MIPOL1: variants seen among roughly 807,000 people sequenced by gnomAD.
The protein encoded by MIPOL1 is mirror-image polydactyly gene 1 protein.
A neutral mutation model predicts 60.9 loss-of-function variants in MIPOL1; 57 were observed. That is an observed-to-expected ratio of 0.94 (90% CI 0.76 to 1.17). The LOEUF (loss-of-function observed/expected upper bound fraction) is 1.17, where lower values mean the gene tolerates loss of function less well. Among genes scored for constraint, MIPOL1 ranks in the 50% most tolerant of loss-of-function variants. MIPOL1 has a pLI of 0.00. For synonymous variants in MIPOL1, 179 were observed against 168.8 expected (o/e 1.06, Z -0.47); for missense variants, 551 against 511.6 (o/e 1.08, Z -0.74).
At chr14:37,430,323 G>T (rs1027986225) in intron 11 of MIPOL1, among the ~76,000 whole-genome samples, 3 of 151,568 alleles carry the variant, frequency 2.0e-5, no homozygotes, top group African/African-American at 4.9e-5. Context: ...CCCTTTATAT[G>T]GTAGATTAAA....
intron 5 of MIPOL1, among the ~76,000 whole-genome samples, chr14:37,269,055 TAA>T (rs543661069): frequency 8.1e-4 from 123 of 151,238 alleles, no homozygotes; most frequent in African/African-American, 2.9e-3. Context: ...TACATATCTT[TAA>T]AAAAAAAGAT....
chr14:37,382,153 T>G (rs939249429), intron 10 of MIPOL1, among the ~76,000 whole-genome samples: 2 of 152,096 alleles, frequency 1.3e-5, no homozygotes, highest in Non-Finnish European at 2.9e-5. Flanking sequence ...CTTTGAGTTT[T>G]AACTATTTCC....
intron 11 of MIPOL1, among the ~76,000 whole-genome samples, chr14:37,483,847 G>T (rs2094909975): frequency 6.6e-6 from 1 of 152,036 alleles, no homozygotes; most frequent in Admixed American, 6.6e-5. Context: ...TGTTGCGCAA[G>T]CTGGCCTTGA....
intron 10 of MIPOL1, among the ~76,000 whole-genome samples, chr14:37,417,232 T>G (rs1291817773): frequency 6.6e-6 from 1 of 152,196 alleles, no homozygotes; most frequent in Non-Finnish European, 1.5e-5. Context: ...CCTCCATGGC[T>G]TCTGCTCACT....
intron 9 of MIPOL1, among the ~76,000 whole-genome samples, 190 bp downstream of exon 9, chr14:37,308,709 C>T (rs1448389379): frequency 6.6e-6 from 1 of 151,868 alleles, no homozygotes; most frequent in Non-Finnish European, 1.5e-5. Flanking sequence ...AATATGAAAC[C>T]TCATTTTAAA....
chr14:37,319,911 C>A (rs1362770749), intron 9 of MIPOL1, among the ~76,000 whole-genome samples: 1 of 151,960 alleles, frequency 6.6e-6, no homozygotes, highest in Non-Finnish European at 1.5e-5. Context: ...TTATATACTC[C>A]TTGTGTCTAA....
At chr14:37,377,432 C>G (rs1343734417) in intron 10 of MIPOL1, among the ~76,000 whole-genome samples, 1 of 152,092 alleles carries the variant, frequency 6.6e-6, no homozygotes, top group Non-Finnish European at 1.5e-5. Context: ...CCAAGGGTAG[C>G]TGGCTGTAAC....
At chr14:37,240,942 C>T (rs79643404) in intron 1 of MIPOL1, among the ~76,000 whole-genome samples, 1 of 64,430 alleles carries the variant, frequency 1.6e-5, no homozygotes, top group Non-Finnish European at 3.2e-5. Context: ...CACACACATA[C>T]ACACACACAC....
chr14:37,363,063 T>G (rs2092336095), intron 9 of MIPOL1, among the ~76,000 whole-genome samples: 1 of 152,200 alleles, frequency 6.6e-6, no homozygotes, highest in Non-Finnish European at 1.5e-5. Flanking sequence ...ACATGCTTCT[T>G]TAGCTTGGAG....
chr14:37,409,293 A>G (rs1026596145), intron 10 of MIPOL1, among the ~76,000 whole-genome samples: 4 of 152,230 alleles, frequency 2.6e-5, no homozygotes, highest in Non-Finnish European at 5.9e-5. Flanking sequence ...GAATATAAGT[A>G]GCTATGTATG....
chr14:37,355,570 A>G (rs1229758095), intron 9 of MIPOL1, among the ~76,000 whole-genome samples: 2 of 141,682 alleles, frequency 1.4e-5, no homozygotes, highest in Non-Finnish European at 3.1e-5. Context: ...TGGTCTTTTC[A>G]CATAGTCTCA....
intron 9 of MIPOL1, among the ~76,000 whole-genome samples, chr14:37,325,765 A>G (rs2089097716): frequency 6.6e-6 from 1 of 152,114 alleles, no homozygotes; most frequent in Non-Finnish European, 1.5e-5. Flanking sequence ...TTCTGTATTC[A>G]ACATATATTC....
chr14:37,293,731 C>T (rs1468279563), intron 7 of MIPOL1, among the ~76,000 whole-genome samples: 1 of 152,160 alleles, frequency 6.6e-6, no homozygotes, highest in Admixed American at 6.5e-5. Flanking sequence ...AGTCTGAGAT[C>T]AAACTGCAAG....
chr14:37,361,204 C>A (rs1208493323), intron 9 of MIPOL1, among the ~76,000 whole-genome samples: 1 of 152,132 alleles, frequency 6.6e-6, no homozygotes, highest in East Asian at 1.9e-4. Flanking sequence ...GATTTCTGTT[C>A]TTTTACATAT....
intron 11 of MIPOL1, chr14:37,423,594 C>G (rs2093912737): frequency 6.6e-6 from 1 of 151,830 alleles, no homozygotes; most frequent in Non-Finnish European, 1.5e-5. Flanking sequence ...TACAGTGGAT[C>G]ATGGTAGAAA....
chr14:37,418,125 A>G (rs1000821736), intron 10 of MIPOL1, among the ~76,000 whole-genome samples: 3 of 152,184 alleles, frequency 2.0e-5, no homozygotes, highest in Admixed American at 6.5e-5. Context: ...ACCAATTTCC[A>G]TTCATGGTCT....
chr14:37,446,054 A>G (rs1170439177), intron 11 of MIPOL1, among the ~76,000 whole-genome samples: 4 of 152,222 alleles, frequency 2.6e-5, no homozygotes, highest in Non-Finnish European at 5.9e-5. Flanking sequence ...AATGGCAACA[A>G]AAGCCAAAAT....
chr14:37,262,048 A>G (rs200954970), intron 3 of MIPOL1, among the ~76,000 whole-genome samples: 1 of 74,078 alleles, frequency 1.3e-5, no homozygotes. Flanking sequence ...ATGTGGGGGG[A>G]AAAACACATA....
intron 1 of MIPOL1, among the ~76,000 whole-genome samples, chr14:37,238,185 C>T (rs1252298528): frequency 6.6e-6 from 1 of 152,030 alleles, no homozygotes; most frequent in Non-Finnish European, 1.5e-5. Flanking sequence ...TGTATATTCT[C>T]TTTTATTTTG....
Sources: gnomAD v4.1 joint callset for allele counts (sites outside exome capture counted in the v4.1 genomes callset) on GRCh38, gnomAD v4.1.1 for gene constraint, MANE v1.5 for transcripts, NCBI Gene and HGNC (gene_info 2026-07-23, HGNC 2026-07-21) for gene names.